Variants in ZNF518A observed in about 807,000 individuals in gnomAD.
ZNF518A encodes the protein zinc finger protein 518.
A neutral mutation model predicts 102.7 loss-of-function variants in ZNF518A; 47 were observed. That is an observed-to-expected ratio of 0.46 (90% CI 0.36 to 0.58). ZNF518A has a LOEUF of 0.58. Ranked by LOEUF, ZNF518A falls within the 20% of genes least tolerant of loss-of-function variation. The probability of loss-of-function intolerance (pLI) is 0.00; values close to 1 mark genes in which losing one functional copy is unlikely to be tolerated. For missense variants in ZNF518A, 1,793 were observed against 1,699.8 expected (o/e 1.05, Z -0.96); for synonymous variants, 652 against 594.6 (o/e 1.10, Z -1.40).
At chr10:96,139,189 T>C (rs1482489440) in intron 3 of ZNF518A, among the ~76,000 whole-genome samples, 3 of 151,738 alleles carry the variant, frequency 2.0e-5, no homozygotes, top group African/African-American at 7.3e-5. Context: ...TGGTGTGAGA[T>C]GAAGTTGAAG....
rs370584722 is a variant in ZNF518A at position 96,161,655 on chromosome 10, G to A, written c.*881G>A. 6.0e-6 allele frequency: 1 copy of A among 166,680 alleles called. No individual in the cohort carries two copies. The highest frequency in any genetic ancestry group is 6.6e-5 in the Admixed American group (1 of 15,250). 10.3% of individuals were successfully genotyped at this position (166,680 alleles called of 1,614,324 possible). A position where few individuals can be genotyped will look rare whatever the true frequency, so the allele number is the denominator to read the frequency against. On this transcript the variant is annotated 3_prime_UTR_variant, in exon 6 of 6. Coordinates refer to ENST00000316045, the MANE Select transcript of ZNF518A (RefSeq NM_001330736.2). ...TTCTTGGTTCCCATCCCTTTAAAAA[G>A]AGTGGAACATAGGAGCACTTCCAAG...
At chr10:96,180,180 C>CTTTTTT (rs60561670) in intron 1 of ZNF518A, among the ~76,000 whole-genome samples, 1,437 of 96,146 alleles carry the variant, frequency 0.015, 96 homozygotes, top group East Asian at 0.062. Flanking sequence ...GCTCCAGCCT[C>CTTTTTT]TTTTTTTTTT....
At chr10:96,191,854 C>T in intron 1 of ZNF518A, 1 of 1,388,398 alleles carries the variant, frequency 7.2e-7, no homozygotes, top group Non-Finnish European at 1.0e-6. Flanking sequence ...CTGACTCCAT[C>T]TTCCATTTTA....
chr10:96,149,726 C>T (rs2082339728), intron 3 of ZNF518A, among the ~76,000 whole-genome samples: 1 of 152,130 alleles, frequency 6.6e-6, no homozygotes, highest in Non-Finnish European at 1.5e-5. Flanking sequence ...TTCTGTTTTC[C>T]ATTGTGAATT....
At chr10:96,137,900 AC>A (rs1471368227) in intron 3 of ZNF518A, among the ~76,000 whole-genome samples, 4 of 152,070 alleles carry the variant, frequency 2.6e-5, no homozygotes, top group Non-Finnish European at 5.9e-5. Context: ...CTCAGATATT[AC>A]ATGCCTAAAA....
chr10:96,133,661 A>C lies in ZNF518A; in HGVS notation c.-302+13A>C, dbSNP rs1211617469. Reference sequence around the variant, plus strand: ...TCCTCTAAATGCAGTAAGTATACACATAAGTATGACCGTAAATTAGGAATA... The same window carrying C: ...TCCTCTAAATGCAGTAAGTATACACCTAAGTATGACCGTAAATTAGGAATA... On this transcript the variant is annotated intron_variant, in intron 3 of 5. Transcript: ENST00000316045. The C allele has an allele frequency of 6.6e-6, 1 of 152,210 alleles. No individual in the cohort carries two copies. The highest frequency in any genetic ancestry group is 1.9e-4 in the East Asian group (1 of 5,204). 9.4% of individuals were successfully genotyped at this position (152,210 alleles called of 1,614,324 possible).
At chr10:96,167,571 T>C (rs1472338934), downstream of ZNF518A, among the ~76,000 whole-genome samples, 1 of 151,364 alleles carries the variant, frequency 6.6e-6, no homozygotes, top group African/African-American at 2.4e-5. Context: ...AAGAACTAAA[T>C]GAAAATTCTG....
chr10:96,182,119 C>T (rs935235249), intron 1 of ZNF518A, among the ~76,000 whole-genome samples: 1 of 152,052 alleles, frequency 6.6e-6, no homozygotes, highest in Non-Finnish European at 1.5e-5. Flanking sequence ...GGAGTTCACT[C>T]ATGATTTGCC....
intron 1 of ZNF518A, among the ~76,000 whole-genome samples, chr10:96,189,175 G>A (rs1296280245): frequency 2.6e-5 from 4 of 152,178 alleles, no homozygotes; most frequent in Admixed American, 1.3e-4. Context: ...AAAGGGTGAA[G>A]TTCCATCTTT....
intron 3 of ZNF518A, among the ~76,000 whole-genome samples, chr10:96,135,700 T>C (rs1425728905): frequency 6.6e-6 from 1 of 152,240 alleles, no homozygotes; most frequent in Admixed American, 6.5e-5. Context: ...TAAGCGTGTG[T>C]TGAGAATAAT....
At chr10:96,189,012 C>G (rs1044126021) in intron 1 of ZNF518A, among the ~76,000 whole-genome samples, 2 of 152,108 alleles carry the variant, frequency 1.3e-5, no homozygotes, top group Non-Finnish European at 2.9e-5. Context: ...ATCTTCATGT[C>G]GTAATCTTTT....
rs368890631 is a variant in ZNF518A at position 96,160,248 on chromosome 10, G to A, written c.3926G>A (p.Arg1309His). The change falls in exon 6 of 6, where the codon CGT (arginine) becomes CAT (histidine). Residue 1309 changes from arginine (R) to histidine (H), a missense_variant. By Grantham distance (29) the Arg-to-His change is conservative (BLOSUM62 0). Around this residue, in one of 3 missense-constraint regions of ZNF518A, gnomAD observed 1,741 missense variants for 1,622.6 expected, o/e 1.07. Coordinates refer to ENST00000316045, the MANE Select transcript of ZNF518A (RefSeq NM_001330736.2). ...GAAAAGGCAAAACCTGAAGATGTCC[G>A]TGAAACATTTGGATTTAGCAGACCT... is the stretch of plus-strand genomic sequence containing the variant. Reference protein sequence around the residue: ...CKEKAKPEDVRETFGFSRPRL... With the variant: ...CKEKAKPEDVHETFGFSRPRL... The A allele has an allele frequency of 3.7e-5, 59 of 1,613,238 alleles. No homozygotes were observed. Among genetic ancestry groups the A allele is most frequent in the East Asian group, 6.7e-5 (3 of 44,872 alleles).
chr10:96,190,707 A>G (rs1554893167), intron 1 of ZNF518A, among the ~76,000 whole-genome samples: 1 of 152,216 alleles, frequency 6.6e-6, no homozygotes, highest in African/African-American at 2.4e-5. Context: ...TTTAATTATT[A>G]GACTTAATTA....
At chr10:96,190,457 A>C (rs2083311154) in intron 1 of ZNF518A, among the ~76,000 whole-genome samples, 1 of 152,228 alleles carries the variant, frequency 6.6e-6, no homozygotes, top group African/African-American at 2.4e-5. Flanking sequence ...TAAAGACCTC[A>C]TTCCCAAATA....
chr10:96,163,574 T>A lies in ZNF518A; in HGVS notation c.*2800T>A, dbSNP rs587730898. ...GTAACACAAATTGAAATGTAATAGTTTTTTTAATGGAAAATATTTTCATTG... is the reference window on the plus strand; with the variant it reads ...GTAACACAAATTGAAATGTAATAGTATTTTTAATGGAAAATATTTTCATTG... On this transcript the variant is annotated 3_prime_UTR_variant, in exon 6 of 6. Coordinates refer to ENST00000316045, the MANE Select transcript of ZNF518A (RefSeq NM_001330736.2). The A allele has an allele frequency of 2.4e-5, 4 of 167,180 alleles. No homozygotes were observed. The highest frequency in any genetic ancestry group is 9.6e-5 in the African/African-American group (4 of 41,570). 10.4% of individuals were successfully genotyped at this position (167,180 alleles called of 1,614,324 possible). A position where few individuals can be genotyped will look rare whatever the true frequency, so the allele number is the denominator to read the frequency against.
Position 96,160,998 on chromosome 10 carries a change from G to T in ZNF518A, c.*224G>T, listed in dbSNP as rs1355739276. 6 of 428,946 alleles carry T rather than the reference G, an allele frequency of 1.4e-5. No individual in the cohort carries two copies. The Admixed American group carries it at 2.2e-4, about 15-fold the overall frequency. 26.6% of individuals were successfully genotyped at this position (428,946 alleles called of 1,614,324 possible). The stretch of plus-strand genomic sequence containing the variant: ...GAAAGAAACTAATCACAGCACAGAA[G>T]TACCTTGATTTAATTTTTTAAACGT... On this transcript the variant is annotated 3_prime_UTR_variant, in exon 6 of 6. Coordinates refer to ENST00000316045, the MANE Select transcript of ZNF518A (RefSeq NM_001330736.2).
At chr10:96,131,430 T>G (rs587663222) in intron 1 of ZNF518A, among the ~76,000 whole-genome samples, 1 of 152,344 alleles carries the variant, frequency 6.6e-6, no homozygotes, top group Non-Finnish European at 1.5e-5. Context: ...CAAAATTGTC[T>G]TTTCTGAAAT....
At position 96,161,528 on chromosome 10, in the gene ZNF518A, T is replaced by G. The variant is rs2082999683; in HGVS notation, c.*754T>G. Reference sequence around the variant, plus strand: ...CTCATTGAAAGTTTGGTTAAAGAACTTGAACATATTTCTAAATTTGATTAT... The same window carrying G: ...CTCATTGAAAGTTTGGTTAAAGAACGTGAACATATTTCTAAATTTGATTAT... On this transcript the variant is annotated 3_prime_UTR_variant, in exon 6 of 6. Transcript: ENST00000316045. The G allele has an allele frequency of 6.0e-6, 1 of 166,762 alleles. No homozygotes were observed. The highest frequency in any genetic ancestry group is 1.5e-5 in the Non-Finnish European group (1 of 68,048). 10.3% of individuals were successfully genotyped at this position (166,762 alleles called of 1,614,324 possible).
intron 3 of ZNF518A, among the ~76,000 whole-genome samples, chr10:96,143,005 G>A (rs1554877142): frequency 1.3e-5 from 2 of 151,828 alleles, no homozygotes; most frequent in East Asian, 1.9e-4. Flanking sequence ...ATGGGGTTTC[G>A]CCATGTTGGC....
Sources: gnomAD v4.1 joint callset for allele counts (sites outside exome capture counted in the v4.1 genomes callset) on GRCh38, gnomAD v4.1.1 for gene constraint, gnomAD v4.1.1 regional missense constraint, MANE v1.5 for transcripts, NCBI Gene and HGNC (gene_info 2026-07-23, HGNC 2026-07-21) for gene names.